The following PEPD variants were observed in gnomAD, a reference collection of about 807,000 sequenced individuals.
The protein encoded by PEPD is peptidase D, also known as xaa-Pro dipeptidase.
A neutral mutation model predicts 60.7 loss-of-function variants in PEPD; 53 were observed. The ratio of observed to expected loss-of-function variants is 0.87; its 90% CI spans 0.70 to 1.10. The LOEUF (loss-of-function observed/expected upper bound fraction) is 1.10. Among genes scored for constraint, PEPD ranks in the 50% least tolerant of loss-of-function variants. The probability of loss-of-function intolerance (pLI) is 0.00; values close to 1 mark genes in which losing one functional copy is unlikely to be tolerated. For missense variants in PEPD, 711 were observed against 711.9 expected, an observed-to-expected ratio of 1.00 and a Z score of 0.01; for synonymous variants, 267 against 284.1, an observed-to-expected ratio of 0.94 and a Z score of 0.60.
intron 4 of PEPD, among the ~76,000 whole-genome samples, chr19:33,498,885 C>T (rs1970658278): frequency 6.6e-6 from 1 of 152,158 alleles, no homozygotes; most frequent in Admixed American, 6.5e-5. Context: ...GAGGCAGGTG[C>T]CCATCCCGCC....
intron 10 of PEPD, among the ~76,000 whole-genome samples, chr19:33,412,082 G>A: frequency 6.6e-6 from 1 of 152,194 alleles, no homozygotes; most frequent in Non-Finnish European, 1.5e-5. Context: ...GGTGGCTCAC[G>A]CCTGTCATGC....
intron 11 of PEPD, among the ~76,000 whole-genome samples, chr19:33,410,462 G>T (rs951445502): frequency 6.6e-6 from 1 of 152,232 alleles, no homozygotes; most frequent in East Asian, 1.9e-4. Context: ...CTGGGCATGT[G>T]TGTTCCTGTC....
intron 4 of PEPD, 151 bp downstream of exon 4, chr19:33,500,787 C>T (rs1043625324): frequency 1.3e-6 from 1 of 746,994 alleles, no homozygotes. Context: ...CTACTCCTTC[C>T]AAATGGGAGC....
chr19:33,394,334 G>C (rs967080369), intron 12 of PEPD, among the ~76,000 whole-genome samples: 1 of 152,262 alleles, frequency 6.6e-6, no homozygotes, highest in Admixed American at 6.5e-5. Context: ...CGGGAATCAG[G>C]TATAAATCAT....
intron 13 of PEPD, chr19:33,388,758 G>A (rs1191336657): frequency 6.0e-6 from 1 of 165,836 alleles, no homozygotes; most frequent in Non-Finnish European, 1.3e-5. Flanking sequence ...AACGCCTGAG[G>A]GACAGTGGTA....
intron 3 of PEPD, among the ~76,000 whole-genome samples, chr19:33,510,358 G>A (rs1970898185): frequency 6.7e-6 from 1 of 148,630 alleles, no homozygotes; most frequent in Admixed American, 6.8e-5. Flanking sequence ...GGAGACAGAG[G>A]GAGGGGGGCT....
At chr19:33,430,290 C>T (rs1969240728) in intron 9 of PEPD, among the ~76,000 whole-genome samples, 1 of 152,196 alleles carries the variant, frequency 6.6e-6, no homozygotes, top group African/African-American at 2.4e-5. Context: ...ATTCCATTTG[C>T]AGGAGTTTAC....
chr19:33,393,180 C>T (rs925110396), intron 12 of PEPD, among the ~76,000 whole-genome samples: 6 of 149,546 alleles, frequency 4.0e-5, no homozygotes, highest in African/African-American at 9.9e-5. Context: ...TGGGGTCTGG[C>T]GTGGGGGAGG....
chr19:33,431,740 C>A (rs572029467), intron 9 of PEPD, among the ~76,000 whole-genome samples: 1 of 152,210 alleles, frequency 6.6e-6, no homozygotes, highest in African/African-American at 2.4e-5. Context: ...AGCCTGTAAT[C>A]CCAGCACTTT....
At chr19:33,406,159 G>A (rs1371786056) in intron 11 of PEPD, among the ~76,000 whole-genome samples, 1 of 152,240 alleles carries the variant, frequency 6.6e-6, no homozygotes, top group Non-Finnish European at 1.5e-5. Flanking sequence ...GCGGGAGGGA[G>A]AGTCACACGC....
intron 9 of PEPD, among the ~76,000 whole-genome samples, chr19:33,447,810 G>A (rs765667230): frequency 2.2e-4 from 33 of 152,288 alleles, no homozygotes; most frequent in Non-Finnish European, 4.3e-4. Flanking sequence ...GAGGAAGCAC[G>A]AAGACCCACA....
At chr19:33,490,536 G>T (rs80072948) in intron 5 of PEPD, among the ~76,000 whole-genome samples, 12,227 of 152,304 alleles carry the variant, frequency 0.08, 690 homozygotes, top group Admixed American at 0.17. Context: ...CTGCTGTGAA[G>T]CAGGGAGACA....
intron 6 of PEPD, among the ~76,000 whole-genome samples, chr19:33,479,388 C>CAAGG (rs1970275199): frequency 6.6e-6 from 1 of 150,620 alleles, no homozygotes; most frequent in African/African-American, 2.4e-5. Context: ...AATTACAAGG[C>CAAGG]AAGGATTGGC....
At chr19:33,411,341 CT>C (rs1199716883) in intron 11 of PEPD, among the ~76,000 whole-genome samples, 1 of 152,192 alleles carries the variant, frequency 6.6e-6, no homozygotes, top group Non-Finnish European at 1.5e-5. Context: ...GTGGTGCCCC[CT>C]GAACGGAGAG....
chr19:33,399,151 G>A (rs1405201504), intron 12 of PEPD, among the ~76,000 whole-genome samples: 2 of 152,142 alleles, frequency 1.3e-5, no homozygotes, highest in African/African-American at 4.8e-5. Context: ...ATCACGCCCA[G>A]CTAATTTGTG....
chr19:33,399,069 C>T (rs1339821805), intron 12 of PEPD, among the ~76,000 whole-genome samples: 5 of 152,140 alleles, frequency 3.3e-5, no homozygotes, highest in East Asian at 1.9e-4. Context: ...CTGCAACCTC[C>T]GCCTCCTAGG....
chr19:33,416,581 C>G (rs1968896101), intron 9 of PEPD, among the ~76,000 whole-genome samples: 1 of 152,188 alleles, frequency 6.6e-6, no homozygotes, highest in Admixed American at 6.5e-5. Context: ...CAGCCAGGCT[C>G]AAGCCCAGCG....
chr19:33,519,497 T>C (rs1037426347), intron 1 of PEPD, among the ~76,000 whole-genome samples: 1 of 152,208 alleles, frequency 6.6e-6, no homozygotes, highest in Non-Finnish European at 1.5e-5. Flanking sequence ...TATGCCTGAC[T>C]CTATGATCTG....
intron 9 of PEPD, among the ~76,000 whole-genome samples, chr19:33,428,055 A>C (rs755651098): frequency 6.6e-6 from 1 of 152,178 alleles, no homozygotes; most frequent in Non-Finnish European, 1.5e-5. Flanking sequence ...GCTTGAAGAC[A>C]GAAGTGGTCG....
Sources: gnomAD v4.1 joint callset for allele counts (sites outside exome capture counted in the v4.1 genomes callset) on GRCh38, gnomAD v4.1.1 for gene constraint, MANE v1.5 for transcripts, NCBI Gene and HGNC (gene_info 2026-07-23, HGNC 2026-07-21) for gene names.